SPPL2B: variants seen among roughly 807,000 people sequenced by gnomAD.
SPPL2B encodes the protein signal peptide peptidase like 2B.
SPPL2B carries 39 observed loss-of-function variants against 59.7 expected under a neutral mutation model. That is an observed-to-expected ratio of 0.65 (90% CI 0.51 to 0.85). The LOEUF is 0.85. Among genes scored for constraint, SPPL2B ranks in the 40% least tolerant of loss-of-function variants. SPPL2B has a pLI of 0.00. For synonymous variants in SPPL2B, 419 were observed against 370.8 expected, an observed-to-expected ratio of 1.13 and a Z score of -1.49; for missense variants, 865 against 849.0, an observed-to-expected ratio of 1.02 and a Z score of -0.23.
intron 2 of SPPL2B, among the ~76,000 whole-genome samples, chr19:2,336,231 G>T (rs549145919): frequency 6.6e-6 from 1 of 152,284 alleles, no homozygotes; most frequent in Admixed American, 6.5e-5. Context: ...GTGCACATGT[G>T]CCTGTGAGTG....
chr19:2,338,866 A>C, intron 4 of SPPL2B, 25 bp downstream of exon 4: 1 of 1,606,796 alleles, frequency 6.2e-7, no homozygotes, highest in South Asian at 1.1e-5. Flanking sequence ...GCTCAGACCC[A>C]CGCTCCCGAG....
intron 6 of SPPL2B, 48 bp from the exon 7 acceptor site, chr19:2,340,028 G>A (rs768759218): frequency 1.9e-6 from 3 of 1,560,932 alleles, no homozygotes; most frequent in Non-Finnish European, 2.6e-6. Context: ...TGCGGAGGGA[G>A]GGTGGCGTGC....
chr19:2,339,009 C>A, intron 4 of SPPL2B, 60 bp from the exon 5 acceptor site: 1 of 1,527,376 alleles, frequency 6.5e-7, no homozygotes, highest in Non-Finnish European at 8.8e-7. Flanking sequence ...CACAGCTGCA[C>A]GTCGACCCAT....
rs111492891 is a variant in SPPL2B at position 2,353,560 on chromosome 19, G to A, written c.*351G>A. On this transcript the variant is annotated 3_prime_UTR_variant, in exon 15 of 15. Transcript: ENST00000613503. ...GCAGGCGTGGGTGGACTCTGGCCGC[G>A]GCCACACTTGGTGCTCACCAGCTGC... 83 of 266,678 alleles carry A rather than the reference G, an allele frequency of 3.1e-4. No individual in the cohort carries two copies. The highest frequency in any genetic ancestry group is 1.5e-3 in the African/African-American group (66 of 44,144). 16.5% of individuals were successfully genotyped at this position (266,678 alleles called of 1,614,324 possible). A position where few individuals can be genotyped will look rare whatever the true frequency, so the allele number is the denominator to read the frequency against.
chr19:2,338,336 C>T (rs1258479392), intron 3 of SPPL2B: 12 of 162,228 alleles, frequency 7.4e-5, no homozygotes, highest in African/African-American at 1.4e-4. Flanking sequence ...CAGAGCAGGC[C>T]GGGCAGAGCC....
At position 2,344,374 on chromosome 19, in the gene SPPL2B, A is replaced by G; in HGVS notation, c.1126A>G (p.Ile376Val). The change falls in exon 11 of 15, where the codon ATC becomes GTC. Residue 376 changes from isoleucine to valine, a missense_variant. By Grantham distance (29) the Ile-to-Val change is conservative. Coordinates refer to ENST00000613503, the MANE Select transcript of SPPL2B (RefSeq NM_152988.3). ...CCATTCTGTGCAGAGTGGGAGCAGC[A>G]TCATGGTGGAGGTGGCCACTGGGCC... ...TPFLTKSGSS[I>V]MVEVATGPSD... The G allele has an allele frequency of 1.5e-6, 2 of 1,332,526 alleles. No homozygotes were observed. The highest frequency in any genetic ancestry group is 2.0e-6 in the Non-Finnish European group (2 of 1,013,702). The allele number at this position is 1,332,526 out of a possible 1,614,324, so 82.5% of individuals were successfully genotyped here. A position where few individuals can be genotyped will look rare whatever the true frequency, so the allele number is the denominator to read the frequency against.
chr19:2,348,316 C>A (rs959686511), intron 13 of SPPL2B, among the ~76,000 whole-genome samples: 1 of 107,872 alleles, frequency 9.3e-6, no homozygotes, highest in African/African-American at 3.8e-5. Flanking sequence ...CTCGCGCTCT[C>A]ATTCGCTTGA....
At position 2,337,506 on chromosome 19, in the gene SPPL2B, C is replaced by T. The variant is rs966841418; in HGVS notation, c.250C>T (p.Arg84Cys). The change falls in exon 3 of 15, where the codon CGT (arginine) becomes TGT (cysteine). Residue 84 changes from arginine (R) to cysteine (C), a missense_variant. Coordinates refer to ENST00000613503, the MANE Select transcript of SPPL2B (RefSeq NM_152988.3). ...CTGCTCCGCAGCCGACCTCCCCGCC[C>T]GTGGCTTCAGCAACCAGATCCCGCT... ...LLCSAADLPA[R>C]GFSNQIPLVA... is the part of the protein sequence containing the mutation. 9.3e-6 allele frequency: 15 copies of T among 1,613,308 alleles called. No homozygotes were observed. The highest frequency in any genetic ancestry group is 1.3e-5 in the Non-Finnish European group (15 of 1,179,678).
chr19:2,353,153 G>A lies in SPPL2B; in HGVS notation c.1723G>A (p.Glu575Lys), dbSNP rs765953288. The A allele has an allele frequency of 1.1e-5, 17 of 1,609,808 alleles. No individual in the cohort carries two copies. In the African/African-American group the frequency reaches 1.1e-4, roughly 10 times the overall value. Reference protein sequence around the residue: ...MREPGSPAESEGRDQAQPSPV... With the variant: ...MREPGSPAESKGRDQAQPSPV... Reference sequence around the variant, plus strand: ...GGAGCCTGGGAGCCCAGCTGAATCCGAGGGCCGGGACCAGGCCCAGCCGTC... The same window carrying A: ...GGAGCCTGGGAGCCCAGCTGAATCCAAGGGCCGGGACCAGGCCCAGCCGTC... The change falls in exon 15 of 15, where the codon GAG (glutamate) becomes AAG (lysine). Residue 575 changes from glutamate (E) to lysine (K), a missense_variant. Physicochemically the swap from Glu to Lys is moderately conservative, Grantham distance 56. Coordinates refer to ENST00000613503, the MANE Select transcript of SPPL2B (RefSeq NM_152988.3).
chr19:2,338,984 C>T (rs1332611829), intron 4 of SPPL2B, 85 bp from the exon 5 acceptor site: 38 of 1,507,624 alleles, frequency 2.5e-5, no homozygotes, highest in Non-Finnish European at 3.2e-5. Flanking sequence ...GGTCTCCAGC[C>T]CCAGCCCCAC....
rs1420705181 is a variant in SPPL2B at position 2,353,177 on chromosome 19, TC to T, written c.1751del (p.Pro584ArgfsTer2). 1.2e-6 allele frequency: 2 copies of T among 1,606,790 alleles called. No individual in the cohort carries two copies. The highest frequency in any genetic ancestry group is 8.5e-7 in the Non-Finnish European group (1 of 1,179,108). On this transcript the variant is annotated frameshift_variant, in exon 15 of 15. Coordinates refer to ENST00000613503, the MANE Select transcript of SPPL2B (RefSeq NM_152988.3). LOFTEE classifies it high-confidence loss of function. ...CGAGGGCCGGGACCAGGCCCAGCCG[TC>T]CCCGGTAACCCAGCCTGGCGCCTCG... ...ESEGRDQAQP[S>X]PVTQPGASA
At chr19:2,338,642 T>A (rs1232445395) in intron 3 of SPPL2B, 110 bp from the exon 4 acceptor site, 12 of 699,404 alleles carry the variant, frequency 1.7e-5, no homozygotes, top group Non-Finnish European at 2.9e-5. Flanking sequence ...GCCCCCAGCC[T>A]GACCCGAGCC....
intron 7 of SPPL2B, chr19:2,340,588 T>C: frequency 3.8e-6 from 2 of 533,262 alleles, no homozygotes; most frequent in East Asian, 3.4e-5. Context: ...GGGGGAGACC[T>C]TTTTGTGTTG....
chr19:2,341,731 T>C, intron 8 of SPPL2B: 1 of 405,300 alleles, frequency 2.5e-6, no homozygotes, highest in Non-Finnish European at 5.1e-6. Flanking sequence ...TTGAATCCTT[T>C]GTACACAAAG....
intron 1 of SPPL2B, among the ~76,000 whole-genome samples, chr19:2,329,859 A>G (rs977278106): frequency 3.9e-5 from 6 of 152,104 alleles, no homozygotes; most frequent in Non-Finnish European, 7.4e-5. Context: ...TTCACTCTCT[A>G]GTCTTTTCTC....
At chr19:2,329,927 G>A (rs1968191648) in intron 1 of SPPL2B, among the ~76,000 whole-genome samples, 2 of 151,952 alleles carry the variant, frequency 1.3e-5, no homozygotes, top group Admixed American at 1.3e-4. Context: ...GAAGCTTTCT[G>A]AGAACCCCAG....
chr19:2,344,211 C>T (rs1386840080), intron 10 of SPPL2B, 151 bp from the exon 11 acceptor site: 2 of 583,402 alleles, frequency 3.4e-6, no homozygotes, highest in African/African-American at 2.6e-5. Flanking sequence ...TCACCTCCAC[C>T]CCATCACCCT....
chr19:2,350,172 T>TTG (rs1969828703), intron 13 of SPPL2B, among the ~76,000 whole-genome samples: 1 of 142,146 alleles, frequency 7.0e-6, no homozygotes, highest in Non-Finnish European at 1.5e-5. Flanking sequence ...GCGCTCTCAT[T>TTG]CGCTTGATTC....
intron 8 of SPPL2B, chr19:2,342,929 C>T: frequency 2.2e-6 from 1 of 455,164 alleles, no homozygotes; most frequent in East Asian, 3.8e-5. Context: ...ACGCAGCCGG[C>T]CAGGCCTGTG....
Sources: allele counts gnomAD v4.1 joint callset (sites outside exome capture counted in the v4.1 genomes callset), GRCh38; gene constraint gnomAD v4.1.1; transcripts MANE v1.5; gene names NCBI Gene and HGNC (gene_info 2026-07-23, HGNC 2026-07-21).